AGPAT2: variants seen among roughly 807,000 people sequenced by gnomAD.
AGPAT2 encodes 1-acyl-sn-glycerol-3-phosphate acyltransferase beta.
A neutral mutation model predicts 26.1 loss-of-function variants in AGPAT2; 18 were observed. That is an observed-to-expected ratio of 0.69 (90% confidence interval 0.48 to 1.02). The LOEUF is 1.02. Among genes scored for constraint, AGPAT2 ranks in the 50% least tolerant of loss-of-function variants. The probability of loss-of-function intolerance (pLI) is 0.00; values close to 1 mark genes in which losing one functional copy is unlikely to be tolerated. For missense variants in AGPAT2, 415 were observed against 394.9 expected, an observed-to-expected ratio of 1.05 and a Z score of -0.43; for synonymous variants, 200 against 174.2, an observed-to-expected ratio of 1.15 and a Z score of -1.16.
intron 1 of AGPAT2, among the ~76,000 whole-genome samples, chr9:136,686,691 CG>C (rs1348405346): frequency 6.6e-6 from 1 of 152,196 alleles, no homozygotes; most frequent in African/African-American, 2.4e-5. Context: ...CGCCCATCAC[CG>C]GGCGGACAGT....
rs548976674 is a variant in AGPAT2, at chr9:136,677,466, G to C, written c.273C>G (p.Pro91=). ...TCTGGTGGTTGGAGACGATGACACA[G>C]GGACGGGCCTCCTGCAGCCTGCGCG... The part of the protein sequence containing the change: ...RDPRRLQEAR[P]CVIVSNHQSI... Residue 91 remains proline, a synonymous_variant, in exon 2 of 6, where the codon CCC becomes CCG. Coordinates refer to ENST00000371696, the MANE Select transcript of AGPAT2 (RefSeq NM_006412.4). The C allele has an allele frequency of 7.7e-5, 125 of 1,613,140 alleles. No individual in the cohort carries two copies. The Admixed American group carries it at 2.0e-3, about 26-fold the overall frequency.
Position 136,673,905 on chromosome 9 carries a change from C to T in AGPAT2, c.684G>A (p.Leu228=). Residue 228 remains leucine, a synonymous_variant, in exon 6 of 6, where the codon CTG becomes CTA. Coordinates refer to ENST00000371696, the MANE Select transcript of AGPAT2 (RefSeq NM_006412.4). Reference sequence around the variant, plus strand: ...TGAGGCCGCTGGTGGGGATGGCTTCCAGCACCTGCACTGTGACTGTTCCTG... The same window carrying T: ...TGAGGCCGCTGGTGGGGATGGCTTCTAGCACCTGCACTGTGACTGTTCCTG... The part of the protein sequence containing the change: ...FTSGTVTVQV[L]EAIPTSGLTA... 1.3e-6 allele frequency: 2 copies of T among 1,591,744 alleles called. No individual in the cohort carries two copies. Among genetic ancestry groups the T allele is most frequent in the Non-Finnish European group, 1.7e-6 (2 of 1,169,976 alleles).
intron 1 of AGPAT2, 138 bp downstream of exon 1, chr9:136,687,038 G>C (rs1311855470): frequency 1.6e-5 from 16 of 981,992 alleles, no homozygotes; most frequent in Non-Finnish European, 2.3e-5. Context: ...GCCTGCCGCC[G>C]GCCCAGGCGC....
At chr9:136,682,447 G>A (rs1214339342) in intron 1 of AGPAT2, among the ~76,000 whole-genome samples, 1 of 152,218 alleles carries the variant, frequency 6.6e-6, no homozygotes, top group Non-Finnish European at 1.5e-5. Context: ...GGCAGGTGTC[G>A]CTGTGCCAGA....
rs1487258258 is a variant in AGPAT2 at position 136,677,058 on chromosome 9, A to G, written c.395T>C (p.Ile132Thr). The G allele has an allele frequency of 1.2e-6, 2 of 1,613,096 alleles. No individual in the cohort carries two copies. Among genetic ancestry groups the G allele is most frequent in the South Asian group, 2.2e-5 (2 of 91,082 alleles). Residue 132 changes from isoleucine (I) to threonine (T), a missense_variant, in exon 3 of 6, where the codon ATC becomes ACC. By Grantham distance (89) the Ile-to-Thr change is moderately conservative. Transcript: ENST00000371696. ...GAAGAAGACGCCCCCGAGGTACATG[A>G]TGAGGCCCACGGGCCCCAGGAAGAG... is the stretch of plus-strand genomic sequence containing the variant. ...ELLFLGPVGL[I>T]MYLGGVFFIN...
chr9:136,681,925 C>G (rs545522087), intron 1 of AGPAT2, among the ~76,000 whole-genome samples: 1 of 152,284 alleles, frequency 6.6e-6, no homozygotes, highest in Non-Finnish European at 1.5e-5. Flanking sequence ...AGCACAGAGG[C>G]CCCCTGCACC....
intron 1 of AGPAT2, among the ~76,000 whole-genome samples, chr9:136,678,604 C>A (rs1468192865): frequency 6.6e-6 from 1 of 152,168 alleles, no homozygotes; most frequent in African/African-American, 2.4e-5. Flanking sequence ...TAGTGCCCCC[C>A]ACCATTTGAT....
chr9:136,676,765 C>A, intron 3 of AGPAT2, 85 bp from the exon 4 acceptor site: 1 of 1,404,054 alleles, frequency 7.1e-7, no homozygotes, highest in Non-Finnish European at 1.0e-6. Flanking sequence ...AGAAGCCCCA[C>A]TTCGCAAAGC....
In AGPAT2 at chr9:136,676,790, C is replaced by G. The variant is rs1424421110; in HGVS notation, c.493-110G>C. 2.3e-6 allele frequency: 3 copies of G among 1,293,908 alleles called. No individual in the cohort carries two copies. The African/African-American group carries it at 4.4e-5, about 19-fold the overall frequency. The allele number at this position is 1,293,908 out of a possible 1,614,324, so 80.2% of individuals were successfully genotyped here. A position where few individuals can be genotyped will look rare whatever the true frequency, so the allele number is the denominator to read the frequency against. Reference sequence around the variant, plus strand: ...CTTCGCAAAGCAGCTGGCATGGGACCCCATCTGCGGAGCATGGATGATGTA... The same window carrying G: ...CTTCGCAAAGCAGCTGGCATGGGACGCCATCTGCGGAGCATGGATGATGTA... On this transcript the variant is annotated intron_variant, in intron 3 of 5. Transcript: ENST00000371696.
chr9:136,679,765 G>A (rs1846137588), intron 1 of AGPAT2, among the ~76,000 whole-genome samples: 1 of 152,248 alleles, frequency 6.6e-6, no homozygotes, highest in Non-Finnish European at 1.5e-5. Flanking sequence ...CCTGATAACA[G>A]GAGGTGCCAG....
intron 5 of AGPAT2, 62 bp downstream of exon 5, chr9:136,674,673 G>A (rs1169409568): frequency 1.8e-5 from 23 of 1,255,726 alleles, no homozygotes; most frequent in East Asian, 1.4e-4. Context: ...TGAGGGGCCC[G>A]GGGCTCCGTG....
At chr9:136,679,173 A>G (rs1846130705) in intron 1 of AGPAT2, among the ~76,000 whole-genome samples, 1 of 151,934 alleles carries the variant, frequency 6.6e-6, no homozygotes, top group Non-Finnish European at 1.5e-5. Context: ...TCCTCCCTCT[A>G]TCTCCAGAAC....
At chr9:136,683,446 C>T (rs1022733858) in intron 1 of AGPAT2, among the ~76,000 whole-genome samples, 2 of 152,312 alleles carry the variant, frequency 1.3e-5, no homozygotes, top group South Asian at 2.1e-4. Context: ...AGGACTTGCC[C>T]ATCTTCAGCT....
At chr9:136,679,550 T>C (rs1422899978) in intron 1 of AGPAT2, among the ~76,000 whole-genome samples, 1 of 152,074 alleles carries the variant, frequency 6.6e-6, no homozygotes, top group African/African-American at 2.4e-5. Context: ...ACTGCAGGGC[T>C]GTTTTGCCTC....
intron 1 of AGPAT2, among the ~76,000 whole-genome samples, chr9:136,686,782 G>C (rs7869340): frequency 0.13 from 19,619 of 152,260 alleles, 1,559 homozygotes; most frequent in African/African-American, 0.22. Context: ...GCAAGTCCCC[G>C]CCGCCCCGGC....
chr9:136,679,239 C>T (rs773936523), intron 1 of AGPAT2, among the ~76,000 whole-genome samples: 4 of 152,198 alleles, frequency 2.6e-5, no homozygotes, highest in Non-Finnish European at 4.4e-5. Context: ...CCTGTCCCCT[C>T]CCCAGCCCTG....
In AGPAT2 at chr9:136,677,126, C is replaced by G; in HGVS notation, c.327G>C (p.Glu109Asp). The change falls in exon 3 of 6, where the codon GAG becomes GAC. Residue 109 changes from glutamate to aspartate, a missense_variant. Physicochemically the swap from Glu to Asp is conservative, Grantham distance 45. Transcript: ENST00000371696. ...QSILDMMGLM[E>D]VLPERCVQIA... ...TCTGCACGCAGCGCTCCGGAAGGACCTCCATGAGGCCTGGGAGACAGAGAG... is the reference window on the plus strand; with the variant it reads ...TCTGCACGCAGCGCTCCGGAAGGACGTCCATGAGGCCTGGGAGACAGAGAG... 1 of 1,613,004 alleles carries G rather than the reference C, an allele frequency of 6.2e-7. No homozygotes were observed. Among genetic ancestry groups the G allele is most frequent in the South Asian group, 1.1e-5 (1 of 91,078 alleles).
At position 136,687,344 on chromosome 9, in the gene AGPAT2, G is replaced by C; in HGVS notation, c.14C>G (p.Pro5Arg). 1 of 1,545,298 alleles carries C rather than the reference G, an allele frequency of 6.5e-7. No individual in the cohort carries two copies. The highest frequency in any genetic ancestry group is 2.6e-5 in the East Asian group (1 of 38,396). The change falls in exon 1 of 6, where the codon CCG (proline) becomes CGG (arginine). Residue 5 changes from proline (P) to arginine (R), a missense_variant. Transcript: ENST00000371696. The part of the protein sequence containing the change: MELW[P>R]CLAAALLLLL... ...CAACAGCAGCGCCGCGGCCAGACAC[G>C]GCCACAGCTCCATGGCCCGGCCCGG...
rs370624707 is a variant in AGPAT2, at chr9:136,676,701, G to A, written c.493-21C>T. The A allele has an allele frequency of 1.9e-6, 3 of 1,608,988 alleles. No homozygotes were observed. In the African/African-American group the frequency reaches 4.0e-5, roughly 21 times the overall value. ...TTGAGCTGCAGGGAGAGGAGAGCCTGGACTGACCTCACGCCCAGGCCACCC... is the reference window on the plus strand; with the variant it reads ...TTGAGCTGCAGGGAGAGGAGAGCCTAGACTGACCTCACGCCCAGGCCACCC... On this transcript the variant is annotated intron_variant, in intron 3 of 5. Transcript: ENST00000371696.
Sources: allele counts gnomAD v4.1 joint callset (sites outside exome capture counted in the v4.1 genomes callset), GRCh38; gene constraint gnomAD v4.1.1; transcripts MANE v1.5; gene names NCBI Gene and HGNC (gene_info 2026-07-23, HGNC 2026-07-21).